The following DCDC2 variants were observed in gnomAD, a reference collection of about 807,000 sequenced individuals.
DCDC2 encodes the protein doublecortin domain containing 2, also known as doublecortin domain-containing protein 2.
Under a neutral mutation model 50.2 loss-of-function variants are expected in DCDC2, and 40 were observed. The ratio of observed to expected loss-of-function variants is 0.80; its 90% CI spans 0.62 to 1.04. The LOEUF is 1.04. Ranked by LOEUF, DCDC2 falls within the 50% of genes least tolerant of loss-of-function variation. The pLI is 0.00. For missense variants in DCDC2, 570 were observed against 581.9 expected (o/e 0.98, Z 0.21); for synonymous variants, 234 against 210.6 (o/e 1.11, Z -0.96).
chr6:24,239,384 C>T (rs1762520525), intron 7 of DCDC2, among the ~76,000 whole-genome samples: 1 of 152,204 alleles, frequency 6.6e-6, no homozygotes. Context: ...GGTGGACCAC[C>T]TAGATCAGAG....
upstream of DCDC2, among the ~76,000 whole-genome samples, chr6:24,361,620 A>G (rs1019419818): frequency 4.6e-5 from 7 of 152,306 alleles, no homozygotes; most frequent in Admixed American, 1.3e-4. Context: ...GTGGAAATGG[A>G]AGGCAATCAA....
chr6:24,221,630 G>A (rs1762119627), intron 7 of DCDC2, among the ~76,000 whole-genome samples: 1 of 152,232 alleles, frequency 6.6e-6, no homozygotes, highest in Non-Finnish European at 1.5e-5. Context: ...AGCTAGGACA[G>A]GGAAAGCAAC....
intron 7 of DCDC2, among the ~76,000 whole-genome samples, chr6:24,261,634 G>A (rs1020967667): frequency 2.1e-4 from 32 of 152,122 alleles, no homozygotes; most frequent in African/African-American, 7.5e-4. Flanking sequence ...GCCCACAGGA[G>A]TAACTTTTTC....
At chr6:24,256,238 A>G (rs1357499543) in intron 7 of DCDC2, among the ~76,000 whole-genome samples, 4 of 151,662 alleles carry the variant, frequency 2.6e-5, no homozygotes, top group African/African-American at 9.7e-5. Flanking sequence ...TATCTAGACT[A>G]AAGATGCAGA....
At chr6:24,360,975 A>T (rs74994401), upstream of DCDC2, among the ~76,000 whole-genome samples, 4,677 of 152,292 alleles carry the variant, frequency 0.031, 133 homozygotes, top group African/African-American at 0.07. Flanking sequence ...AGAGAGAGAG[A>T]GAGTTCAAAC....
At chr6:24,182,296 A>G (rs894205390) in intron 8 of DCDC2, among the ~76,000 whole-genome samples, 1 of 152,210 alleles carries the variant, frequency 6.6e-6, no homozygotes, top group Non-Finnish European at 1.5e-5. Flanking sequence ...GGCAACAAAA[A>G]AATACATAAA....
chr6:24,262,836 A>G (rs907276913), intron 7 of DCDC2, among the ~76,000 whole-genome samples: 23 of 152,326 alleles, frequency 1.5e-4, no homozygotes, highest in African/African-American at 5.5e-4. Context: ...GGCTGGGTTC[A>G]CCAACTGCTG....
intron 8 of DCDC2, among the ~76,000 whole-genome samples, chr6:24,178,956 T>C (rs950058868): frequency 6.6e-6 from 1 of 152,056 alleles, no homozygotes; most frequent in African/African-American, 2.4e-5. Flanking sequence ...CCAGAACCAG[T>C]GCTTGTAACC....
intron 2 of DCDC2, among the ~76,000 whole-genome samples, chr6:24,309,863 C>T (rs542917841): frequency 9.9e-5 from 15 of 152,196 alleles, no homozygotes; most frequent in African/African-American, 3.6e-4. Flanking sequence ...GGTATGGTGG[C>T]CCATGCCCAT....
chr6:24,197,438 G>A (rs1581580645), intron 8 of DCDC2, among the ~76,000 whole-genome samples: 1 of 152,292 alleles, frequency 6.6e-6, no homozygotes, highest in South Asian at 2.1e-4. Context: ...CTTGGTTTCT[G>A]CAGCTATCAG....
At chr6:24,342,958 C>A (rs1561781781) in intron 2 of DCDC2, among the ~76,000 whole-genome samples, 1 of 151,998 alleles carries the variant, frequency 6.6e-6, no homozygotes. Context: ...AGTCCTCCTA[C>A]AATTACCTTG....
At chr6:24,282,200 T>G (rs192205242) in intron 6 of DCDC2, among the ~76,000 whole-genome samples, 1 of 152,204 alleles carries the variant, frequency 6.6e-6, no homozygotes, top group African/African-American at 2.4e-5. Flanking sequence ...ACAAAAAGCC[T>G]AAAACAGCCT....
At chr6:24,185,389 C>T (rs937762888) in intron 8 of DCDC2, among the ~76,000 whole-genome samples, 20 of 152,256 alleles carry the variant, frequency 1.3e-4, no homozygotes, top group African/African-American at 4.6e-4. Context: ...GCAAGATTAT[C>T]GTGTTGAAAT....
upstream of DCDC2, among the ~76,000 whole-genome samples, chr6:24,359,223 T>A (rs188353083): frequency 0.14 from 9,004 of 62,568 alleles, 1,301 homozygotes; most frequent in African/African-American, 0.33. Flanking sequence ...ATTATATATT[T>A]TATATATTTT....
At chr6:24,378,884 C>G in the DCDC2 span, among the ~76,000 whole-genome samples, 11 of 141,614 alleles carry the variant, frequency 7.8e-5, no homozygotes, top group Admixed American at 2.2e-4. Flanking sequence ...CCCAGGAGTT[C>G]AAGGCTGCAG....
intron 8 of DCDC2, among the ~76,000 whole-genome samples, chr6:24,187,651 G>C (rs1561882865): frequency 6.6e-6 from 1 of 152,142 alleles, no homozygotes; most frequent in Non-Finnish European, 1.5e-5. Context: ...TTGAAGTAAG[G>C]GCTTTTTGTT....
At chr6:24,378,689 T>C in the DCDC2 span, among the ~76,000 whole-genome samples, 599 of 152,216 alleles carry the variant, frequency 3.9e-3, 3 homozygotes, top group Non-Finnish European at 6.9e-3. Context: ...GTGAAATTAC[T>C]CAAAGAAAAG....
At chr6:24,199,658 T>G (rs1761536864) in intron 8 of DCDC2, among the ~76,000 whole-genome samples, 1 of 152,154 alleles carries the variant, frequency 6.6e-6, no homozygotes, top group African/African-American at 2.4e-5. Context: ...GGATGGAGAA[T>G]GAGTTTGATG....
rs1350180784 is a variant in DCDC2 at position 24,174,966 on chromosome 6, T to TC, written c.1327-133dup. Reference sequence around the variant, plus strand: ...TTTAACTAAAAAGAGTTCCTGGGGTTCCCTTTGTTTTTTTGTCTATCATTA... The same window carrying TC: ...TTTAACTAAAAAGAGTTCCTGGGGTTCCCCTTTGTTTTTTTGTCTATCATTA... On this transcript the variant is annotated intron_variant, in intron 9 of 9. Transcript: ENST00000378454. 3 of 492,168 alleles carry TC rather than the reference T, an allele frequency of 6.1e-6. No individual in the cohort carries two copies. The Middle Eastern group carries it at 1.6e-3, about 264-fold the overall frequency. The allele number at this position is 492,168 out of a possible 1,614,324, so 30.5% of individuals were successfully genotyped here.
Sources: gnomAD v4.1 joint callset for allele counts (sites outside exome capture counted in the v4.1 genomes callset) on GRCh38, gnomAD v4.1.1 for gene constraint, MANE v1.5 for transcripts, NCBI Gene and HGNC (gene_info 2026-07-23, HGNC 2026-07-21) for gene names.